The following RNF31 variants were observed in gnomAD, a reference collection of about 807,000 sequenced individuals.
RNF31 encodes the protein E3 ubiquitin-protein ligase RNF31.
In RNF31, 38 loss-of-function variants were observed where a neutral mutation model predicts 133.6. That is an observed-to-expected ratio of 0.28 (90% CI 0.22 to 0.37). RNF31 has a LOEUF of 0.37. Ranked by LOEUF, RNF31 falls within the 10% of genes least tolerant of loss-of-function variation. The probability of loss-of-function intolerance (pLI) is 1.00; values close to 1 mark genes in which losing one functional copy is unlikely to be tolerated. For synonymous variants in RNF31, 582 were observed against 552.3 expected (o/e 1.05, Z -0.75); for missense variants, 1,118 against 1,394.1 (o/e 0.80, Z 3.15).
Position 24,148,402 on chromosome 14 carries a change from C to T in RNF31, c.484C>T (p.Leu162=), listed in dbSNP as rs375429602. The T allele has an allele frequency of 6.2e-6, 10 of 1,613,888 alleles. No individual in the cohort carries two copies. The African/African-American group carries it at 9.4e-5, about 15-fold the overall frequency. The part of the protein sequence containing the change: ...EVLLLRTELS[L]LLQNTHPRQQ... ...ACTGCTGCTTCGGACAGAGCTCAGC[C>T]TGCTATTGCAGGTGAGATGCTCCTC... The change falls in exon 3 of 21, where the codon CTG becomes TTG. Residue 162 remains leucine (L), a synonymous_variant. Transcript: ENST00000324103.
chr14:24,152,619 A>G (rs879716712), intron 11 of RNF31, among the ~76,000 whole-genome samples: 1 of 152,156 alleles, frequency 6.6e-6, no homozygotes, highest in African/African-American at 2.4e-5. Context: ...GGGTTTCGCC[A>G]TATTGGCCAG....
intron 11 of RNF31, among the ~76,000 whole-genome samples, chr14:24,154,035 G>A (rs975242921): frequency 6.6e-6 from 1 of 151,812 alleles, no homozygotes; most frequent in African/African-American, 2.4e-5. Flanking sequence ...TCGCTCTGTC[G>A]CCCTGGCTGG....
chr14:24,160,415 C>T lies in RNF31; in HGVS notation c.3165+8C>T, dbSNP rs2038428921. 1 of 1,612,994 alleles carries T rather than the reference C, an allele frequency of 6.2e-7. No homozygotes were observed. Among genetic ancestry groups the T allele is most frequent in the Non-Finnish European group, 8.5e-7 (1 of 1,179,144 alleles). On this transcript the variant is annotated splice_region_variant and intron_variant, in intron 20 of 20. Transcript: ENST00000324103. The surrounding 1 kb of genome is among the most constrained non-coding windows in gnomAD (Gnocchi z 4.0). Reference sequence around the variant, plus strand: ...CAGGCCCGCTTGTTACAGGTATAGCCTCCACCCAGCCTCATCTCTTAACCC... The same window carrying T: ...CAGGCCCGCTTGTTACAGGTATAGCTTCCACCCAGCCTCATCTCTTAACCC...
chr14:24,159,816 G>C (rs2038417674), intron 18 of RNF31, 48 bp from the exon 19 acceptor site: 1 of 1,472,572 alleles, frequency 6.8e-7, no homozygotes, highest in Non-Finnish European at 9.5e-7. Flanking sequence ...CTGGAGCTTT[G>C]TGGTCATTGG....
intron 18 of RNF31, among the ~76,000 whole-genome samples, chr14:24,159,620 G>GGGTATGT (rs2038414155): frequency 6.6e-6 from 1 of 150,448 alleles, no homozygotes; most frequent in African/African-American, 2.5e-5. Flanking sequence ...TATCTCAAGA[G>GGGTATGT]GGTATGTGTT....
At chr14:24,148,506 ACTATG>A (rs773560604) in intron 3 of RNF31, 93 bp downstream of exon 3, 74 of 1,603,266 alleles carry the variant, frequency 4.6e-5, no homozygotes, top group Middle Eastern at 1.7e-4. Context: ...GTGCTGCTGA[ACTATG>A]GGCATAGTTC....
At chr14:24,156,747 C>A (rs145005710) in intron 14 of RNF31, among the ~76,000 whole-genome samples, 2 of 151,824 alleles carry the variant, frequency 1.3e-5, no homozygotes. Flanking sequence ...CCATTGCACT[C>A]CAGCCTGGGT....
At position 24,157,652 on chromosome 14, in the gene RNF31, G is replaced by A; in HGVS notation, c.2727+14G>A. The A allele has an allele frequency of 6.2e-7, 1 of 1,608,726 alleles. No individual in the cohort carries two copies. Among genetic ancestry groups the A allele is most frequent in the Non-Finnish European group, 8.5e-7 (1 of 1,175,062 alleles). ...TACGCCAAGAATGTAAGCCCAGAGA[G>A]TTGGGGAAGGGGTGGAAGGGTGGGG... On this transcript the variant is annotated intron_variant, in intron 16 of 20. Transcript: ENST00000324103.
chr14:24,157,974 G>A lies in RNF31; in HGVS notation c.2804G>A (p.Arg935Gln). Residue 935 changes from arginine to glutamine, a missense_variant, in exon 17 of 21, where the codon CGG becomes CAG. This residue lies in a region of RNF31 where 170 missense variants were observed against 194.5 expected (regional missense o/e 0.87). Transcript: ENST00000324103. ...HHPRDCLFYL[R>Q]DWTALRLQKL... ...CCTCGAGACTGCCTCTTCTACCTGC[G>A]GGACTGGACTGCTCTCCGGCTTCAG... is the stretch of plus-strand genomic sequence containing the variant. 6.2e-7 allele frequency: 1 copy of A among 1,614,132 alleles called. No homozygotes were observed. The highest frequency in any genetic ancestry group is 8.5e-7 in the Non-Finnish European group (1 of 1,180,032).
Position 24,151,945 on chromosome 14 carries a change from C to G in RNF31, c.2083C>G (p.Leu695Val). The G allele has an allele frequency of 6.2e-7, 1 of 1,614,198 alleles. No individual in the cohort carries two copies. Among genetic ancestry groups the G allele is most frequent in the Non-Finnish European group, 8.5e-7 (1 of 1,180,028 alleles). Residue 695 changes from leucine to valine, a missense_variant, in exon 11 of 21, where the codon CTT becomes GTT. This residue lies in a region of RNF31 where 201 missense variants were observed against 371.7 expected (regional missense o/e 0.54). Coordinates refer to ENST00000324103, the MANE Select transcript of RNF31 (RefSeq NM_017999.5). The surrounding 1 kb of genome is among the most constrained non-coding windows in gnomAD (Gnocchi z 5.3). ...SQDRAFLRRL[L>V]AQECAVCGWA... The stretch of plus-strand genomic sequence containing the variant: ...GGACCGGGCCTTCCTGCGCCGCTTG[C>G]TTGCCCAGGAGTGTGCCGTGTGTGG...
rs1594374709 is a variant in RNF31, at chr14:24,149,234, A to G, written c.632-172A>G. ...CACCTCAGCCTCCCAAAGTGCTAAGATTACCTGCATGAGCCACCACGCCCG... is the reference window on the plus strand; with the variant it reads ...CACCTCAGCCTCCCAAAGTGCTAAGGTTACCTGCATGAGCCACCACGCCCG... On this transcript the variant is annotated intron_variant, in intron 5 of 20. Coordinates refer to ENST00000324103, the MANE Select transcript of RNF31 (RefSeq NM_017999.5). The G allele has an allele frequency of 2.2e-5, 15 of 691,738 alleles. No individual in the cohort carries two copies. The East Asian group carries it at 4.1e-4, about 19-fold the overall frequency. 42.9% of individuals were successfully genotyped at this position (691,738 alleles called of 1,614,324 possible).
chr14:24,158,123 A>G lies in RNF31; in HGVS notation c.2842-19A>G. The G allele has an allele frequency of 6.2e-7, 1 of 1,614,176 alleles. No individual in the cohort carries two copies. Among genetic ancestry groups the G allele is most frequent in the South Asian group, 1.1e-5 (1 of 91,088 alleles). On this transcript the variant is annotated intron_variant, in intron 17 of 20. Coordinates refer to ENST00000324103, the MANE Select transcript of RNF31 (RefSeq NM_017999.5). ...TGGCATCAAGGGGAATGTAACACCC[A>G]TCTGTCTCTCCTCCTCAGGACAATA...
intron 11 of RNF31, among the ~76,000 whole-genome samples, chr14:24,154,221 G>A (rs1431674054): frequency 6.6e-6 from 1 of 151,800 alleles, no homozygotes; most frequent in Non-Finnish European, 1.5e-5. Context: ...GCAATGGTGC[G>A]ATCTCGGCTC....
In RNF31 at chr14:24,149,664, G is replaced by A. The variant is rs1186043393; in HGVS notation, c.809+81G>A. 15 of 1,405,918 alleles carry A rather than the reference G, an allele frequency of 1.1e-5. No individual in the cohort carries two copies. The Admixed American group carries it at 2.3e-4, about 22-fold the overall frequency. 87.1% of individuals were successfully genotyped at this position (1,405,918 alleles called of 1,614,324 possible). A position where few individuals can be genotyped will look rare whatever the true frequency, so the allele number is the denominator to read the frequency against. The stretch of plus-strand genomic sequence containing the variant: ...GATTATGGACTACCTGCCAGTTTCT[G>A]TGCTAAAGACTGTTTAATAGAGGAC... On this transcript the variant is annotated intron_variant, in intron 6 of 20. Coordinates refer to ENST00000324103, the MANE Select transcript of RNF31 (RefSeq NM_017999.5).
At chr14:24,152,877 C>T (rs752421799) in intron 11 of RNF31, among the ~76,000 whole-genome samples, 5 of 151,748 alleles carry the variant, frequency 3.3e-5, no homozygotes, top group Non-Finnish European at 5.9e-5. Flanking sequence ...GTCAGGAGAT[C>T]GAGACCATCC....
Position 24,160,198 on chromosome 14 carries a change from T to C in RNF31, c.2997-41T>C. On this transcript the variant is annotated intron_variant, in intron 19 of 20. Coordinates refer to ENST00000324103, the MANE Select transcript of RNF31 (RefSeq NM_017999.5). The surrounding 1 kb of genome is among the most constrained non-coding windows in gnomAD (Gnocchi z 4.0). Reference sequence around the variant, plus strand: ...CTATGTTAGACACACTCAGTTAATATTAGCCAACACAACAAATATTCTGCT... The same window carrying C: ...CTATGTTAGACACACTCAGTTAATACTAGCCAACACAACAAATATTCTGCT... The C allele has an allele frequency of 4.4e-6, 7 of 1,587,430 alleles. No individual in the cohort carries two copies. Among genetic ancestry groups the C allele is most frequent in the Non-Finnish European group, 6.0e-6 (7 of 1,166,736 alleles).
chr14:24,155,804 A>G lies in RNF31; in HGVS notation c.2493+112A>G. 1 of 866,808 alleles carries G rather than the reference A, an allele frequency of 1.2e-6. No homozygotes were observed. The highest frequency in any genetic ancestry group is 1.9e-6 in the Non-Finnish European group (1 of 530,138). The allele number at this position is 866,808 out of a possible 1,614,324, so 53.7% of individuals were successfully genotyped here. On this transcript the variant is annotated intron_variant, in intron 14 of 20. Transcript: ENST00000324103. This position sits in a 1 kb window ranked among gnomAD's most constrained non-coding sequence, Gnocchi z 4.9. ...CAAAACAGACATGAGCTCTGAGGTC[A>G]AAAGAGCTTACAGACTACTCAGAAA...
Position 24,151,463 on chromosome 14 carries a change from C to G in RNF31, c.1738-22C>G, listed in dbSNP as rs1300147303. 6.2e-7 allele frequency: 1 copy of G among 1,613,802 alleles called. No individual in the cohort carries two copies. The highest frequency in any genetic ancestry group is 2.2e-5 in the East Asian group (1 of 44,868). On this transcript the variant is annotated intron_variant, in intron 9 of 20. Transcript: ENST00000324103. The surrounding 1 kb of genome is among the most constrained non-coding windows in gnomAD (Gnocchi z 5.3). ...TTGCTTGCTTTCCCACTTCATTCCC[C>G]CTTGCCACTCCCATCTTGCAGGTGC...
chr14:24,160,454 C>T lies in RNF31; in HGVS notation c.3165+47C>T, dbSNP rs775216678. Reference sequence around the variant, plus strand: ...ATCTCTTAACCCACCCTACAGAAGTCACCTGGTGCTGACTGTGTCTGAGCT... The same window carrying T: ...ATCTCTTAACCCACCCTACAGAAGTTACCTGGTGCTGACTGTGTCTGAGCT... On this transcript the variant is annotated intron_variant, in intron 20 of 20. Transcript: ENST00000324103. This position sits in a 1 kb window ranked among gnomAD's most constrained non-coding sequence, Gnocchi z 4.0. The T allele has an allele frequency of 7.5e-6, 12 of 1,594,142 alleles. No homozygotes were observed. Among genetic ancestry groups the T allele is most frequent in the Non-Finnish European group, 1.0e-5 (12 of 1,166,306 alleles).
Sources: allele counts gnomAD v4.1 joint callset (sites outside exome capture counted in the v4.1 genomes callset), GRCh38; gene constraint gnomAD v4.1.1; regional missense constraint gnomAD v4.1.1; non-coding constraint Gnocchi (gnomAD v3.1); transcripts MANE v1.5; gene names NCBI Gene and HGNC (gene_info 2026-07-23, HGNC 2026-07-21).